The following PRKN variants were observed in gnomAD, a reference collection of about 807,000 sequenced individuals.
PRKN encodes the protein E3 ubiquitin-protein ligase parkin.
In PRKN, 56 loss-of-function variants were observed where a neutral mutation model predicts 59.5. The ratio of observed to expected loss-of-function variants is 0.94; its 90% CI spans 0.76 to 1.18. The LOEUF (loss-of-function observed/expected upper bound fraction) is 1.18. Among genes scored for constraint, PRKN ranks in the 50% most tolerant of loss-of-function variants. PRKN has a pLI of 0.00. For missense variants in PRKN, 657 were observed against 596.4 expected (o/e 1.10, Z -1.06); for synonymous variants, 250 against 222.1 (o/e 1.13, Z -1.12).
At chr6:161,697,497 T>C (rs1786071192) in intron 7 of PRKN, among the ~76,000 whole-genome samples, 1 of 152,188 alleles carries the variant, frequency 6.6e-6, no homozygotes, top group Non-Finnish European at 1.5e-5. Flanking sequence ...AAATGTAAGC[T>C]TGCCCTCTCA....
intron 5 of PRKN, among the ~76,000 whole-genome samples, chr6:162,022,801 T>C (rs1476119541): frequency 6.6e-6 from 1 of 152,206 alleles, no homozygotes; most frequent in East Asian, 1.9e-4. Context: ...GCCTTACACA[T>C]AAGTCTTTAA....
At chr6:162,126,685 C>T (rs1239540446) in intron 4 of PRKN, among the ~76,000 whole-genome samples, 1 of 152,200 alleles carries the variant, frequency 6.6e-6, no homozygotes, top group African/African-American at 2.4e-5. Context: ...GCTTTTGCAG[C>T]TACTCTTGGT....
chr6:162,424,874 A>G (rs1212172678), intron 2 of PRKN, among the ~76,000 whole-genome samples: 5 of 152,128 alleles, frequency 3.3e-5, no homozygotes, highest in Non-Finnish European at 7.4e-5. Flanking sequence ...TTTGCTGTGA[A>G]CCCAGAACTG....
chr6:161,869,149 C>T (rs1255058508), intron 6 of PRKN, among the ~76,000 whole-genome samples: 5 of 152,088 alleles, frequency 3.3e-5, no homozygotes, highest in Non-Finnish European at 5.9e-5. Flanking sequence ...GAGGCCGAGG[C>T]GGGTGGATCA....
At chr6:161,382,373 A>C (rs1786035362) in intron 10 of PRKN, among the ~76,000 whole-genome samples, 1 of 150,624 alleles carries the variant, frequency 6.6e-6, no homozygotes, top group African/African-American at 2.4e-5. Flanking sequence ...GACACTGTAG[A>C]TCTATTAGAG....
At chr6:162,100,032 T>G (rs925188593) in intron 4 of PRKN, among the ~76,000 whole-genome samples, 1 of 152,256 alleles carries the variant, frequency 6.6e-6, no homozygotes, top group African/African-American at 2.4e-5. Flanking sequence ...AATATTTGTT[T>G]TTCTGTGCCT....
intron 2 of PRKN, among the ~76,000 whole-genome samples, chr6:162,350,986 C>T (rs1043000339): frequency 9.2e-5 from 14 of 152,028 alleles, no homozygotes; most frequent in African/African-American, 3.4e-4. Context: ...AAACAACTCA[C>T]CATCCTGGGC....
Position 162,080,518 on chromosome 6 carries a change from T to C in PRKN, c.535-26344A>G, listed in dbSNP as rs560278000. 2.6e-5 allele frequency among the ~76,000 whole-genome samples: 4 copies of C among 152,274 alleles called. No homozygotes were observed. The East Asian group carries it at 7.7e-4, about 29-fold the overall frequency. On this transcript the variant is annotated intron_variant, in intron 4 of 11. Transcript: ENST00000366898. The stretch of plus-strand genomic sequence containing the variant: ...TCTCAGTGCACACAAAAAGTATGCT[T>C]GCACTATACTGTAGTTTGTTAAGTA...
intron 2 of PRKN, among the ~76,000 whole-genome samples, chr6:162,328,856 G>A (rs78157085): frequency 0.025 from 3,851 of 152,254 alleles, 147 homozygotes; most frequent in African/African-American, 0.085. Context: ...AGAGAGCAGG[G>A]GGGTGGTACC....
intron 4 of PRKN, among the ~76,000 whole-genome samples, chr6:162,101,955 T>C (rs1160073939): frequency 1.3e-5 from 2 of 152,208 alleles, no homozygotes; most frequent in Admixed American, 6.5e-5. Flanking sequence ...GATACACTAT[T>C]AGCATTTAAT....
intron 7 of PRKN, among the ~76,000 whole-genome samples, chr6:161,580,338 A>G (rs1240891614): frequency 6.6e-6 from 1 of 152,190 alleles, no homozygotes; most frequent in East Asian, 1.9e-4. Context: ...AGGTGCCTCT[A>G]AAACACGAGA....
rs751742289 is a variant in PRKN, at chr6:162,262,782, T to TAAAAAAAAAAA, written c.172-28_172-18dup. On this transcript the variant is annotated splice_polypyrimidine_tract_variant and intron_variant, in intron 2 of 11. Coordinates refer to ENST00000366898, the MANE Select transcript of PRKN (RefSeq NM_004562.3). ...GTCACAATTCTGTTTGGGAGCAAGG[T>TAAAAAAAAAAA]AAAAAAAAAAAAAAAAAAAAAGGAA... is the stretch of plus-strand genomic sequence containing the variant. 5.1e-6 allele frequency: 7 copies of TAAAAAAAAAAA among 1,361,540 alleles called. 1 individual carries two copies. Among genetic ancestry groups the TAAAAAAAAAAA allele is most frequent in the South Asian group, 1.4e-5 (1 of 71,392 alleles). 84.3% of individuals were successfully genotyped at this position (1,361,540 alleles called of 1,614,324 possible).
At chr6:161,932,796 T>A (rs967043041) in intron 6 of PRKN, among the ~76,000 whole-genome samples, 3 of 151,514 alleles carry the variant, frequency 2.0e-5, no homozygotes, top group Non-Finnish European at 2.9e-5. Context: ...GCAGAAAGAG[T>A]GAGAGAAAAA....
chr6:162,538,498 G>A (rs1486997131), intron 1 of PRKN, among the ~76,000 whole-genome samples: 2 of 152,142 alleles, frequency 1.3e-5, no homozygotes, highest in Non-Finnish European at 2.9e-5. Context: ...AAAATTACAT[G>A]TCTTCATGAA....
intron 7 of PRKN, among the ~76,000 whole-genome samples, chr6:161,610,789 T>G (rs542355033): frequency 4.3e-4 from 66 of 152,204 alleles, no homozygotes; most frequent in African/African-American, 1.5e-3. Flanking sequence ...GGGCCTGGGC[T>G]TGGCCGGGGT....
intron 2 of PRKN, among the ~76,000 whole-genome samples, chr6:162,330,770 G>A (rs184571113): frequency 1.3e-5 from 2 of 152,290 alleles, no homozygotes; most frequent in African/African-American, 4.8e-5. Flanking sequence ...TATGAAGAAG[G>A]TGCATGTGTG....
rs187141556 is a variant in PRKN, at chr6:161,711,878, G to T, written c.871+73894C>A. Among the ~76,000 whole-genome samples, 382 of 152,276 alleles carry T rather than the reference G, an allele frequency of 2.5e-3. 3 individuals are homozygous for T. Among genetic ancestry groups the T allele is most frequent in the Non-Finnish European group, 3.4e-3 (232 of 68,030 alleles). Reference sequence around the variant, plus strand: ...ACTCTTGGACTTAAACCAGTGGTTTGCCAGGGGCTATTGGGCCTTCAGCCA... The same window carrying T: ...ACTCTTGGACTTAAACCAGTGGTTTTCCAGGGGCTATTGGGCCTTCAGCCA... On this transcript the variant is annotated intron_variant, in intron 7 of 11. Transcript: ENST00000366898.
At chr6:162,197,180 A>C (rs1784526870) in intron 4 of PRKN, among the ~76,000 whole-genome samples, 1 of 152,190 alleles carries the variant, frequency 6.6e-6, no homozygotes, top group Non-Finnish European at 1.5e-5. Flanking sequence ...AAACCTCAGA[A>C]TTGCCTATTA....
At chr6:162,179,713 C>A (rs1351025357) in intron 4 of PRKN, among the ~76,000 whole-genome samples, 1 of 152,138 alleles carries the variant, frequency 6.6e-6, no homozygotes, top group African/African-American at 2.4e-5. Flanking sequence ...GAATCACCTG[C>A]CAAAGTCAGT....
Sources: gnomAD v4.1 joint callset for allele counts (sites outside exome capture counted in the v4.1 genomes callset) on GRCh38, gnomAD v4.1.1 for gene constraint, MANE v1.5 for transcripts, NCBI Gene and HGNC (gene_info 2026-07-23, HGNC 2026-07-21) for gene names.